MAPKAPK2: variants seen among roughly 807,000 people sequenced by gnomAD.
The protein encoded by MAPKAPK2 is MAPK activated protein kinase 2, also known as MAP kinase-activated protein kinase 2.
In MAPKAPK2, 9 loss-of-function variants were observed where a neutral mutation model predicts 48.8. The observed-to-expected ratio is 0.18, with a 90% confidence interval of 0.11 to 0.32. The LOEUF (loss-of-function observed/expected upper bound fraction) is 0.32, where lower values mean the gene tolerates loss of function less well. Among genes scored for constraint, MAPKAPK2 ranks in the 10% least tolerant of loss-of-function variants. MAPKAPK2 has a pLI of 1.00. For synonymous variants in MAPKAPK2, 202 were observed against 190.6 expected, an observed-to-expected ratio of 1.06 and a Z score of -0.49; for missense variants, 331 against 498.3, an observed-to-expected ratio of 0.66 and a Z score of 3.20.
At chr1:206,694,501 TA>T (rs1672555306) in intron 1 of MAPKAPK2, among the ~76,000 whole-genome samples, 1 of 152,212 alleles carries the variant, frequency 6.6e-6, no homozygotes, top group Non-Finnish European at 1.5e-5. Context: ...AGAATAGCCA[TA>T]CCCTCTGTCT....
chr1:206,700,106 C>T (rs903021765), intron 1 of MAPKAPK2, among the ~76,000 whole-genome samples: 2 of 151,712 alleles, frequency 1.3e-5, no homozygotes, highest in Non-Finnish European at 2.9e-5. Flanking sequence ...TCTTGCCCCT[C>T]CCGCTGCAAT....
At chr1:206,698,959 T>G (rs1553427487) in intron 1 of MAPKAPK2, among the ~76,000 whole-genome samples, 1 of 152,198 alleles carries the variant, frequency 6.6e-6, no homozygotes, top group African/African-American at 2.4e-5. Context: ...TCTCTAATGG[T>G]CCTTTGTGAC....
chr1:206,718,118 C>T (rs1553430671), intron 1 of MAPKAPK2, among the ~76,000 whole-genome samples: 1 of 152,198 alleles, frequency 6.6e-6, no homozygotes, highest in African/African-American at 2.4e-5. Flanking sequence ...AAGAAAATGT[C>T]ATCCATATTA....
intron 1 of MAPKAPK2, chr1:206,696,303 C>T (rs782021688): frequency 3.0e-4 from 263 of 883,026 alleles, no homozygotes; most frequent in Non-Finnish European, 4.0e-4. Flanking sequence ...CGCACAGGAA[C>T]GCAAGGCACC....
chr1:206,724,438 TCAGC>T (rs1255075911), intron 1 of MAPKAPK2, among the ~76,000 whole-genome samples: 6 of 152,196 alleles, frequency 3.9e-5, no homozygotes, highest in African/African-American at 7.2e-5. Context: ...CCCCAGGACG[TCAGC>T]CAGCCTGCCT....
chr1:206,688,834 C>T (rs1439524843), intron 1 of MAPKAPK2, among the ~76,000 whole-genome samples: 1 of 152,074 alleles, frequency 6.6e-6, no homozygotes, highest in African/African-American at 2.4e-5. Context: ...TGGGGTTTCA[C>T]TGTGTTATTC....
At chr1:206,725,833 C>T (rs1673686010) in intron 1 of MAPKAPK2, among the ~76,000 whole-genome samples, 1 of 152,142 alleles carries the variant, frequency 6.6e-6, no homozygotes, top group South Asian at 2.1e-4. Flanking sequence ...ATTTAGCACT[C>T]TTACAGCATG....
chr1:206,688,017 T>G (rs1185308296), intron 1 of MAPKAPK2, among the ~76,000 whole-genome samples: 1 of 152,226 alleles, frequency 6.6e-6, no homozygotes, highest in Non-Finnish European at 1.5e-5. Flanking sequence ...TTAGCCCTGT[T>G]AAGTGAAATC....
At chr1:206,701,021 C>G (rs1672777296) in intron 1 of MAPKAPK2, among the ~76,000 whole-genome samples, 1 of 152,194 alleles carries the variant, frequency 6.6e-6, no homozygotes, top group South Asian at 2.1e-4. Context: ...TACCTGTTGC[C>G]TCTGGTACAG....
intron 1 of MAPKAPK2, 108 bp from the exon 2 acceptor site, chr1:206,728,602 A>C: frequency 2.5e-6 from 3 of 1,181,140 alleles, no homozygotes; most frequent in Non-Finnish European, 3.5e-6. Flanking sequence ...GGCCAGCAGG[A>C]GTGGGGGGTT....
intron 1 of MAPKAPK2, among the ~76,000 whole-genome samples, chr1:206,726,168 T>G (rs1673695714): frequency 6.6e-6 from 1 of 152,200 alleles, no homozygotes; most frequent in Non-Finnish European, 1.5e-5. Context: ...GGGTATCACT[T>G]GAGACCAGGA....
intron 1 of MAPKAPK2, among the ~76,000 whole-genome samples, chr1:206,707,994 G>A (rs1225534604): frequency 2.0e-5 from 3 of 152,202 alleles, no homozygotes; most frequent in South Asian, 2.1e-4. Context: ...GCTGGAAAGC[G>A]TTAAGTAGGG....
rs140284500 is a variant in MAPKAPK2, at chr1:206,697,531, C to G, written c.279+12023C>G. 5.2e-3 allele frequency among the ~76,000 whole-genome samples: 794 copies of G among 151,640 alleles called. 4 individuals carry two copies. The highest frequency in any genetic ancestry group is 9.2e-3 in the South Asian group (44 of 4,794). ...CATGTCACATGTCGAGAAGAGGGAG[C>G]ATGGGGGTGGGGGAGGCCCTCGACT... On this transcript the variant is annotated intron_variant, in intron 1 of 9. Coordinates refer to ENST00000367103, the MANE Select transcript of MAPKAPK2 (RefSeq NM_032960.4).
chr1:206,722,353 C>T (rs1425781177), intron 1 of MAPKAPK2, among the ~76,000 whole-genome samples: 4 of 152,018 alleles, frequency 2.6e-5, no homozygotes, highest in Non-Finnish European at 5.9e-5. Flanking sequence ...GGGCGAGACT[C>T]TGTCTCAAAA....
rs1673911590 is a variant in MAPKAPK2, at chr1:206,731,540, AC to A, written c.893-95del. The A allele has an allele frequency of 8.5e-7, 1 of 1,175,272 alleles. No homozygotes were observed. The highest frequency in any genetic ancestry group is 1.3e-6 in the Non-Finnish European group (1 of 785,048). The allele number at this position is 1,175,272 out of a possible 1,614,324, so 72.8% of individuals were successfully genotyped here. ...TTGCTCCGGCAGCCTGCCTCCATGC[AC>A]CCCCTCTTTGAACCTGGTTTCCCCA... On this transcript the variant is annotated intron_variant, in intron 7 of 9. Transcript: ENST00000367103. This position sits in a 1 kb window ranked among gnomAD's most constrained non-coding sequence, Gnocchi z 5.9.
chr1:206,711,587 A>G (rs528113815), intron 1 of MAPKAPK2, among the ~76,000 whole-genome samples: 14 of 128,366 alleles, frequency 1.1e-4, no homozygotes, highest in African/African-American at 3.5e-4. Context: ...TGATTTCAGT[A>G]TGTCTTAATC....
intron 1 of MAPKAPK2, among the ~76,000 whole-genome samples, chr1:206,727,725 C>T (rs1572513710): frequency 6.6e-6 from 1 of 152,136 alleles, no homozygotes; most frequent in South Asian, 2.1e-4. Context: ...GGGTTCACGC[C>T]ATTCTCCTGC....
At chr1:206,694,292 A>G (rs1672548640) in intron 1 of MAPKAPK2, among the ~76,000 whole-genome samples, 1 of 152,172 alleles carries the variant, frequency 6.6e-6, no homozygotes, top group African/African-American at 2.4e-5. Context: ...ATAGGACTTG[A>G]GGAACCCACT....
chr1:206,728,661 G>A (rs1553432162), intron 1 of MAPKAPK2, 49 bp from the exon 2 acceptor site: 1 of 1,591,764 alleles, frequency 6.3e-7, no homozygotes. Flanking sequence ...GGGGCTTAGA[G>A]CAGGCCCATG....
Sources: allele counts gnomAD v4.1 joint callset (sites outside exome capture counted in the v4.1 genomes callset), GRCh38; gene constraint gnomAD v4.1.1; non-coding constraint Gnocchi (gnomAD v3.1); transcripts MANE v1.5; gene names NCBI Gene and HGNC (gene_info 2026-07-23, HGNC 2026-07-21).